SLC6A6: variants seen among roughly 807,000 people sequenced by gnomAD.
The protein encoded by SLC6A6 is sodium- and chloride-dependent taurine transporter.
In SLC6A6, 16 loss-of-function variants were observed where a neutral mutation model predicts 68.8. The ratio of observed to expected loss-of-function variants is 0.23; its 90% CI spans 0.16 to 0.35. The LOEUF is 0.35. Ranked by LOEUF, SLC6A6 falls within the 10% of genes least tolerant of loss-of-function variation. SLC6A6 has a pLI of 1.00. For missense variants in SLC6A6, 474 were observed against 802.8 expected (o/e 0.59, Z 4.95); for synonymous variants, 312 against 315.4 (o/e 0.99, Z 0.12).
rs530874856 is a variant in SLC6A6 at position 14,445,569 on chromosome 3, C to T, written c.230-148C>T. 560 of 860,232 alleles carry T rather than the reference C, an allele frequency of 6.5e-4. 6 individuals carry two copies. The South Asian group carries it at 8.4e-3, about 13-fold the overall frequency. The allele number at this position is 860,232 out of a possible 1,614,324, so 53.3% of individuals were successfully genotyped here. A position where few individuals can be genotyped will look rare whatever the true frequency, so the allele number is the denominator to read the frequency against. The stretch of plus-strand genomic sequence containing the variant: ...CTGGCCAGGTGGGCAGGGCCTGGAG[C>T]ATTTCCCACCAGGTCCAAGAGTTTG... On this transcript the variant is annotated intron_variant, in intron 3 of 14. Coordinates refer to ENST00000622186, the MANE Select transcript of SLC6A6 (RefSeq NM_003043.6).
At position 14,447,661 on chromosome 3, in the gene SLC6A6, C is replaced by G; in HGVS notation, c.444C>G (p.Tyr148Ter). The change falls in exon 5 of 15, where the codon TAC (tyrosine) becomes TAG (stop). Residue 148 changes from tyrosine to a stop codon, truncating the protein, a stop_gained. Transcript: ENST00000622186. LOFTEE classifies it high-confidence loss of function. Reference sequence around the variant, plus strand: ...TCATCCTGGCCTGGGCCACATACTACCTGTTCCAGTCCTTCCAGAAGGAGC... The same window carrying G: ...TCATCCTGGCCTGGGCCACATACTAGCTGTTCCAGTCCTTCCAGAAGGAGC... Reference protein sequence around the residue: ...YIVILAWATYYLFQSFQKELP... With the variant: ...YIVILAWATY 1 of 1,614,276 alleles carries G rather than the reference C, an allele frequency of 6.2e-7. No homozygotes were observed. Among genetic ancestry groups the G allele is most frequent in the Non-Finnish European group, 8.5e-7 (1 of 1,180,046 alleles).
At chr3:14,438,747 A>G (rs1699917029) in intron 2 of SLC6A6, among the ~76,000 whole-genome samples, 1 of 152,248 alleles carries the variant, frequency 6.6e-6, no homozygotes, top group South Asian at 2.1e-4. Flanking sequence ...GAAACAGACA[A>G]GGACCTGGCC....
At chr3:14,410,462 T>G (rs980349137) in intron 1 of SLC6A6, among the ~76,000 whole-genome samples, 11 of 152,122 alleles carry the variant, frequency 7.2e-5, no homozygotes, top group African/African-American at 2.7e-4. Flanking sequence ...GAGCCCAGGA[T>G]GGGGTTCCTG....
intron 2 of SLC6A6, among the ~76,000 whole-genome samples, chr3:14,436,593 G>A (rs943684680): frequency 2.1e-4 from 19 of 88,982 alleles, no homozygotes; most frequent in Non-Finnish European, 3.6e-4. Flanking sequence ...GTGCTTAATT[G>A]TTAAACACTA....
rs560281677 is a variant in SLC6A6 at position 14,476,925 on chromosome 3, G to A, written c.1210-280G>A. 5.9e-5 allele frequency among the ~76,000 whole-genome samples: 9 copies of A among 152,356 alleles called. No homozygotes were observed. The South Asian group carries it at 1.4e-3, about 25-fold the overall frequency. On this transcript the variant is annotated intron_variant, in intron 10 of 14. Transcript: ENST00000622186. ...GAAAGGCATTCTGGTGGCAGGAACA[G>A]CCTGAGAGAAGATGCAGAGGTGTGG...
chr3:14,471,317 C>T (rs1700748248), intron 9 of SLC6A6, among the ~76,000 whole-genome samples: 1 of 152,118 alleles, frequency 6.6e-6, no homozygotes, highest in Non-Finnish European at 1.5e-5. Context: ...ATCCCCTGAG[C>T]TGACAGAGCT....
chr3:14,453,486 T>C lies in SLC6A6; in HGVS notation c.600-4464T>C, dbSNP rs181454686. 2.6e-5 allele frequency among the ~76,000 whole-genome samples: 4 copies of C among 152,328 alleles called. No homozygotes were observed. The East Asian group carries it at 7.7e-4, about 29-fold the overall frequency. On this transcript the variant is annotated intron_variant, in intron 5 of 14. Transcript: ENST00000622186. ...ATGGCTGATTTCTATCTGAGTGATT[T>C]CAGGTGCATTCCTGAACTTGTCTCA...
At chr3:14,441,347 G>T (rs893272225) in intron 2 of SLC6A6, among the ~76,000 whole-genome samples, 1 of 152,032 alleles carries the variant, frequency 6.6e-6, no homozygotes, top group Non-Finnish European at 1.5e-5. Context: ...GATAACCATC[G>T]GGGGGCTGTG....
intron 1 of SLC6A6, among the ~76,000 whole-genome samples, chr3:14,416,100 G>A (rs545408859): frequency 6.6e-6 from 1 of 152,354 alleles, no homozygotes; most frequent in South Asian, 2.1e-4. Context: ...GGGAGTGCAT[G>A]TGTGAGTGTG....
rs963227369 is a variant in SLC6A6, at chr3:14,468,340, C to CA, written c.1096+128_1096+129insA. On this transcript the variant is annotated intron_variant, in intron 9 of 14. Transcript: ENST00000622186. This position sits in a 1 kb window ranked among gnomAD's most constrained non-coding sequence, Gnocchi z 4.5. ...GAGCCTGGTTTCTAAAATGGACCCC[C>CA]CCCCCGCCACCAAGATATCCCCCAA... 2 of 728,562 alleles carry CA rather than the reference C, an allele frequency of 2.7e-6. No individual in the cohort carries two copies. Among genetic ancestry groups the CA allele is most frequent in the Middle Eastern group, 4.1e-4 (1 of 2,464 alleles). 45.1% of individuals were successfully genotyped at this position (728,562 alleles called of 1,614,324 possible).
At chr3:14,404,400 C>T (rs1029905593) in intron 1 of SLC6A6, among the ~76,000 whole-genome samples, 1 of 152,120 alleles carries the variant, frequency 6.6e-6, no homozygotes. Context: ...GGGGGCCTAG[C>T]ACGGCTAAGA....
chr3:14,485,101 A>T lies in SLC6A6; in HGVS notation c.*94A>T. On this transcript the variant is annotated 3_prime_UTR_variant, in exon 15 of 15. Transcript: ENST00000622186. The stretch of plus-strand genomic sequence containing the variant: ...GTTTACAGAGCTTTATATTTGCACT[A>T]GGATTTTTTTTTTTTTGTAATTGTC... The T allele has an allele frequency of 9.1e-7, 1 of 1,104,058 alleles. No homozygotes were observed. Among genetic ancestry groups the T allele is most frequent in the Non-Finnish European group, 1.2e-6 (1 of 807,768 alleles). The allele number at this position is 1,104,058 out of a possible 1,614,324, so 68.4% of individuals were successfully genotyped here. A position where few individuals can be genotyped will look rare whatever the true frequency, so the allele number is the denominator to read the frequency against.
Position 14,481,636 on chromosome 3 carries a change from G to A in SLC6A6, c.1552-35G>A. 2.1e-6 allele frequency: 3 copies of A among 1,412,380 alleles called. No homozygotes were observed. The highest frequency in any genetic ancestry group is 1.9e-5 in the Admixed American group (1 of 53,060). The allele number at this position is 1,412,380 out of a possible 1,614,324, so 87.5% of individuals were successfully genotyped here. ...GAAGCCCCCCACCCCCCGATGCCCA[G>A]GACCCCTCTCCTGACTGCCCCCATC... On this transcript the variant is annotated intron_variant, in intron 13 of 14. Transcript: ENST00000622186. The surrounding 1 kb of genome is among the most constrained non-coding windows in gnomAD (Gnocchi z 4.7).
chr3:14,474,968 G>T (rs904057915), intron 10 of SLC6A6, among the ~76,000 whole-genome samples: 5 of 152,254 alleles, frequency 3.3e-5, no homozygotes, highest in Admixed American at 6.5e-5. Context: ...TGGTGAGACA[G>T]GGTAGAGGAG....
Position 14,477,848 on chromosome 3 carries a change from G to A in SLC6A6, c.1347+506G>A, listed in dbSNP as rs144112365. On this transcript the variant is annotated intron_variant, in intron 11 of 14. Coordinates refer to ENST00000622186, the MANE Select transcript of SLC6A6 (RefSeq NM_003043.6). The surrounding 1 kb of genome is among the most constrained non-coding windows in gnomAD (Gnocchi z 4.2). ...GTGAGCAGGGGCCAGGAGGAGGGGC[G>A]ATTTCAGATGCAGACAAGGGAAGCA... 1.3e-5 allele frequency among the ~76,000 whole-genome samples: 2 copies of A among 152,268 alleles called. No homozygotes were observed. Among genetic ancestry groups the A allele is most frequent in the African/African-American group, 2.4e-5 (1 of 41,548 alleles).
chr3:14,410,912 A>C (rs1348199181), intron 1 of SLC6A6: 1 of 152,250 alleles, frequency 6.6e-6, no homozygotes, highest in African/African-American at 2.4e-5. Flanking sequence ...CGGAAGGGGG[A>C]GGTCCTAAGG....
intron 4 of SLC6A6, among the ~76,000 whole-genome samples, chr3:14,447,242 A>ATCCATCCT (rs1700144569): frequency 6.6e-6 from 1 of 151,776 alleles, no homozygotes; most frequent in South Asian, 2.1e-4. Flanking sequence ...CCATCCATCC[A>ATCCATCCT]TCCATCCATC....
In SLC6A6 at chr3:14,447,460, A is replaced by C. The variant is rs1180193883; in HGVS notation, c.365-122A>C. 5 of 1,184,522 alleles carry C rather than the reference A, an allele frequency of 4.2e-6. No individual in the cohort carries two copies. In the South Asian group the frequency reaches 7.1e-5, roughly 17 times the overall value. The allele number at this position is 1,184,522 out of a possible 1,614,324, so 73.4% of individuals were successfully genotyped here. ...TTCACCCTATAAATATTTGGTGGTCACTGTTGAAAGGCCTCTTGTGGCCTG... is the reference window on the plus strand; with the variant it reads ...TTCACCCTATAAATATTTGGTGGTCCCTGTTGAAAGGCCTCTTGTGGCCTG... On this transcript the variant is annotated intron_variant, in intron 4 of 14. Transcript: ENST00000622186.
chr3:14,433,170 G>A (rs537466374), intron 2 of SLC6A6, among the ~76,000 whole-genome samples: 91 of 152,276 alleles, frequency 6.0e-4, no homozygotes, highest in African/African-American at 2.1e-3. Context: ...TGTGTAGCAG[G>A]TGCTCAGTCA....
Sources: allele counts gnomAD v4.1 joint callset (sites outside exome capture counted in the v4.1 genomes callset), GRCh38; gene constraint gnomAD v4.1.1; non-coding constraint Gnocchi (gnomAD v3.1); transcripts MANE v1.5; gene names NCBI Gene and HGNC (gene_info 2026-07-23, HGNC 2026-07-21).